Variants in PCDHA12 observed in about 807,000 individuals in gnomAD.
PCDHA12 encodes protocadherin alpha 12.
A neutral mutation model predicts 60.0 loss-of-function variants in PCDHA12; 44 were observed. The ratio of observed to expected loss-of-function variants is 0.73; its 90% CI spans 0.58 to 0.94. The LOEUF (loss-of-function observed/expected upper bound fraction) is 0.94. Ranked by LOEUF, PCDHA12 falls within the 40% of genes least tolerant of loss-of-function variation. The pLI is 0.00. For synonymous variants in PCDHA12, 569 were observed against 553.0 expected, an observed-to-expected ratio of 1.03 and a Z score of -0.40; for missense variants, 1,276 against 1,239.7, an observed-to-expected ratio of 1.03 and a Z score of -0.44.
chr5:140,978,544 A>G (rs2096808919), intron 1 of PCDHA12, among the ~76,000 whole-genome samples: 1 of 152,234 alleles, frequency 6.6e-6, no homozygotes, highest in Non-Finnish European at 1.5e-5. Context: ...TTGTGTAGCC[A>G]TGTGCCCTGT....
At position 140,966,633 on chromosome 5, in the gene PCDHA12, C is replaced by T. The variant is rs2096029445; in HGVS notation, c.2368-12316C>T. ...GGCCTACGGAGGGAGCGGCCCCAGG[C>T]GCTTTCTAGAGCGTGAGCGGTGGGG... On this transcript the variant is annotated intron_variant, in intron 1 of 3. Transcript: ENST00000398631. 9 of 1,005,684 alleles carry T rather than the reference C, an allele frequency of 8.9e-6. No homozygotes were observed. In the South Asian group the frequency reaches 1.6e-4, roughly 18 times the overall value. 62.3% of individuals were successfully genotyped at this position (1,005,684 alleles called of 1,614,324 possible).
chr5:140,880,836 A>G (rs1228476405), intron 1 of PCDHA12, among the ~76,000 whole-genome samples: 1 of 152,218 alleles, frequency 6.6e-6, no homozygotes, highest in Non-Finnish European at 1.5e-5. Context: ...GCATATTTTA[A>G]ATGGTTGACT....
In PCDHA12 at chr5:140,922,322, GA is replaced by G. The variant is rs2080774913; in HGVS notation, c.2367+44486del. Among the ~76,000 whole-genome samples the G allele has an allele frequency of 2.0e-5, 3 of 152,302 alleles. No homozygotes were observed. The East Asian group carries it at 5.8e-4, about 29-fold the overall frequency. ...AGGATACCTTTCACTGAAGATCTTG[GA>G]AAGGGTTGGTATATTGGTATTTTCT... On this transcript the variant is annotated intron_variant, in intron 1 of 3. Transcript: ENST00000398631.
chr5:140,963,538 C>T (rs1450528022), intron 1 of PCDHA12, among the ~76,000 whole-genome samples: 2 of 152,188 alleles, frequency 1.3e-5, no homozygotes, highest in Non-Finnish European at 2.9e-5. Flanking sequence ...CCATTTACTT[C>T]ATGATATAAA....
chr5:140,933,646 A>G (rs1459396156), intron 1 of PCDHA12, among the ~76,000 whole-genome samples: 16 of 152,120 alleles, frequency 1.1e-4, no homozygotes, highest in African/African-American at 3.9e-4. Flanking sequence ...AACAAGTTGG[A>G]AATCCTGTCT....
chr5:140,978,150 C>T (rs1009630892), intron 1 of PCDHA12, among the ~76,000 whole-genome samples: 2 of 152,286 alleles, frequency 1.3e-5, no homozygotes, highest in South Asian at 4.2e-4. Context: ...TTGTTCTCCC[C>T]CTTCAGACTG....
intron 1 of PCDHA12, among the ~76,000 whole-genome samples, chr5:140,920,489 A>G (rs1323711960): frequency 2.6e-5 from 4 of 152,182 alleles, no homozygotes; most frequent in African/African-American, 9.7e-5. Flanking sequence ...TGGTCCAACA[A>G]TAGAGTTCTA....
intron 3 of PCDHA12, among the ~76,000 whole-genome samples, chr5:141,008,072 T>C (rs1419103459): frequency 2.0e-5 from 3 of 152,272 alleles, no homozygotes; most frequent in Admixed American, 6.5e-5. Context: ...TAAGAACTTA[T>C]TGGGGTTATT....
intron 3 of PCDHA12, among the ~76,000 whole-genome samples, chr5:141,001,011 A>G (rs912284389): frequency 3.9e-5 from 6 of 152,206 alleles, no homozygotes; most frequent in African/African-American, 1.4e-4. Context: ...ATGTATTTAG[A>G]TATACACTTA....
intron 3 of PCDHA12, among the ~76,000 whole-genome samples, chr5:140,985,509 T>C (rs6886977): frequency 1.5e-3 from 223 of 152,280 alleles, no homozygotes; most frequent in African/African-American, 4.4e-3. Context: ...CTTTCATTGA[T>C]TCTGTTGCCC....
chr5:140,929,161 C>T lies in PCDHA12; in HGVS notation c.2368-49788C>T. On this transcript the variant is annotated intron_variant, in intron 1 of 3. Transcript: ENST00000398631. ...GAGACTTTCTCAGACTTATCTCTAT[C>T]GGGCCTCTCTGGGACTTGGTTCTGA... 2 of 1,614,136 alleles carry T rather than the reference C, an allele frequency of 1.2e-6. No homozygotes were observed. The highest frequency in any genetic ancestry group is 1.7e-6 in the Non-Finnish European group (2 of 1,180,028).
intron 1 of PCDHA12, among the ~76,000 whole-genome samples, chr5:140,895,223 G>A (rs782692616): frequency 4.0e-4 from 61 of 152,232 alleles, no homozygotes; most frequent in Admixed American, 2.6e-4. Flanking sequence ...ATATTTTACT[G>A]AGTTTTCTCA....
At chr5:140,883,395 A>G (rs892476136) in intron 1 of PCDHA12, 2 of 1,614,048 alleles carry the variant, frequency 1.2e-6, no homozygotes, top group African/African-American at 1.3e-5. Context: ...AGTGTGTCCG[A>G]TCGTGACTCT....
At chr5:140,924,837 G>A (rs1310509638) in intron 1 of PCDHA12, among the ~76,000 whole-genome samples, 2 of 151,426 alleles carry the variant, frequency 1.3e-5, no homozygotes, top group African/African-American at 4.9e-5. Flanking sequence ...GGAGGTTGCA[G>A]GGAGCTCAGA....
chr5:140,882,391 C>T, intron 1 of PCDHA12: 2 of 1,614,214 alleles, frequency 1.2e-6, no homozygotes, highest in Non-Finnish European at 8.5e-7. Context: ...AAGCAAAACA[C>T]GGCACCTTCG....
chr5:140,883,693 C>T (rs2059756382), intron 1 of PCDHA12: 2 of 1,613,790 alleles, frequency 1.2e-6, no homozygotes, highest in Non-Finnish European at 1.7e-6. Flanking sequence ...GCCACATCTT[C>T]ACGGTGTCTG....
At chr5:140,882,832 A>T (rs781961557) in intron 1 of PCDHA12, 1 of 1,614,216 alleles carries the variant, frequency 6.2e-7, no homozygotes, top group Non-Finnish European at 8.5e-7. Flanking sequence ...GTCTTGAGCA[A>T]ATGTCTTCAT....
At chr5:140,905,202 T>C (rs1554191944) in intron 1 of PCDHA12, among the ~76,000 whole-genome samples, 1 of 152,196 alleles carries the variant, frequency 6.6e-6, no homozygotes, top group Non-Finnish European at 1.5e-5. Flanking sequence ...CCATCTTGAG[T>C]TGATTTTTGT....
chr5:140,941,202 C>CCTTTTCTTCCTTTCTTT (rs2092814043), intron 1 of PCDHA12, among the ~76,000 whole-genome samples: 1 of 122,742 alleles, frequency 8.1e-6, no homozygotes, highest in Non-Finnish European at 1.8e-5. Flanking sequence ...TTTCTTTCTT[C>CCTTTTCTTCCTTTCTTT]CTTTCTTTCT....
Sources: gnomAD v4.1 joint callset for allele counts (sites outside exome capture counted in the v4.1 genomes callset) on GRCh38, gnomAD v4.1.1 for gene constraint, MANE v1.5 for transcripts, NCBI Gene and HGNC (gene_info 2026-07-23, HGNC 2026-07-21) for gene names.